Variants in ASXL3 observed in about 807,000 individuals in gnomAD.
The protein encoded by ASXL3 is ASXL transcriptional regulator 3, also known as putative Polycomb group protein ASXL3.
In ASXL3, 34 loss-of-function variants were observed where a neutral mutation model predicts 170.6. That is an observed-to-expected ratio of 0.20 (90% CI 0.15 to 0.27). ASXL3 has a LOEUF of 0.27. Ranked by LOEUF, ASXL3 falls within the 10% of genes least tolerant of loss-of-function variation. The pLI is 1.00. For synonymous variants in ASXL3, 1,002 were observed against 989.1 expected (o/e 1.01, Z -0.24); for missense variants, 2,592 against 2,695.3 (o/e 0.96, Z 0.85).
chr18:33,631,647 C>T (rs995022172), intron 2 of ASXL3, among the ~76,000 whole-genome samples: 7 of 151,980 alleles, frequency 4.6e-5, no homozygotes, highest in African/African-American at 1.2e-4. Context: ...TTTAAATGTT[C>T]GCTGCTGATA....
At position 33,740,250 on chromosome 18, in the gene ASXL3, C is replaced by G. The variant is rs534714036; in HGVS notation, c.2846C>G (p.Pro949Arg). The G allele has an allele frequency of 1.2e-6, 2 of 1,613,646 alleles. No homozygotes were observed. The highest frequency in any genetic ancestry group is 2.2e-5 in the South Asian group (2 of 91,050). Reference protein sequence around the residue: ...TSKSSEPSKSPDGIRNESRDS... With the variant: ...TSKSSEPSKSRDGIRNESRDS... Reference sequence around the variant, plus strand: ...AAGTCATCAGAGCCCTCCAAGTCACCTGATGGGATAAGAAATGAAAGTAGA... The same window carrying G: ...AAGTCATCAGAGCCCTCCAAGTCACGTGATGGGATAAGAAATGAAAGTAGA... Residue 949 changes from proline (P) to arginine (R), a missense_variant, in exon 11 of 12, where the codon CCT becomes CGT. Pro to Arg is a moderately radical substitution (Grantham distance 103). Around this residue, in one of 4 missense-constraint regions of ASXL3, gnomAD observed 2,246 missense variants for 2,219.6 expected, o/e 1.01. Coordinates refer to ENST00000269197, the MANE Select transcript of ASXL3 (RefSeq NM_030632.3).
At chr18:33,671,597 AT>A (rs2066342704) in intron 6 of ASXL3, 149 bp from the exon 7 acceptor site, 1 of 597,606 alleles carries the variant, frequency 1.7e-6, no homozygotes, top group Non-Finnish European at 2.7e-6. Context: ...TTCTCTTTTT[AT>A]ATCCAGTAGG....
chr18:33,731,854 C>T (rs1366589758), intron 8 of ASXL3, 114 bp from the exon 9 acceptor site: 7 of 672,926 alleles, frequency 1.0e-5, no homozygotes, highest in Non-Finnish European at 1.8e-5. Context: ...CTTCCCCCTT[C>T]CTCCTCCTCA....
intron 2 of ASXL3, among the ~76,000 whole-genome samples, chr18:33,615,986 T>C (rs2065416125): frequency 6.6e-6 from 1 of 152,178 alleles, no homozygotes; most frequent in Non-Finnish European, 1.5e-5. Flanking sequence ...AGTTAAATGG[T>C]ATAACATTGA....
intron 2 of ASXL3, among the ~76,000 whole-genome samples, chr18:33,644,609 A>T (rs1302423163): frequency 6.6e-6 from 1 of 151,304 alleles, no homozygotes; most frequent in Non-Finnish European, 1.5e-5. Flanking sequence ...AAAATATAGT[A>T]TTGGTTACTC....
In ASXL3 at chr18:33,665,743, A is replaced by G. The variant is rs1164556180; in HGVS notation, c.477+4006A>G. On this transcript the variant is annotated intron_variant, in intron 5 of 11. Coordinates refer to ENST00000269197, the MANE Select transcript of ASXL3 (RefSeq NM_030632.3). ...ACAGGCTTTCTGTCTGAAAAATCAA[A>G]TGTTTATTTAAAGGTTTTTTTTTTC... is the stretch of plus-strand genomic sequence containing the variant. Among the ~76,000 whole-genome samples the G allele has an allele frequency of 3.3e-5, 5 of 152,176 alleles. No individual in the cohort carries two copies. In the East Asian group the frequency reaches 7.7e-4, roughly 23 times the overall value.
intron 8 of ASXL3, among the ~76,000 whole-genome samples, chr18:33,706,173 C>T (rs549260744): frequency 6.7e-6 from 1 of 149,078 alleles, no homozygotes; most frequent in South Asian, 2.1e-4. Context: ...TACTATTATT[C>T]TAAAATTTCT....
intron 1 of ASXL3, among the ~76,000 whole-genome samples, chr18:33,584,585 A>G (rs978617351): frequency 7.2e-5 from 11 of 152,158 alleles, no homozygotes; most frequent in African/African-American, 2.7e-4. Context: ...AAATGATACA[A>G]TTTAATTCTG....
intron 1 of ASXL3, among the ~76,000 whole-genome samples, chr18:33,590,418 T>C (rs182524855): frequency 4.5e-4 from 69 of 152,194 alleles, no homozygotes; most frequent in African/African-American, 1.6e-3. Flanking sequence ...ACAAGGATCA[T>C]GTAGAGAGGA....
chr18:33,649,896 A>C (rs1052369487), intron 4 of ASXL3, among the ~76,000 whole-genome samples: 1 of 152,030 alleles, frequency 6.6e-6, no homozygotes, highest in Non-Finnish European at 1.5e-5. Flanking sequence ...TTCAGAGCTG[A>C]TAAGAAAGAA....
intron 8 of ASXL3, among the ~76,000 whole-genome samples, chr18:33,699,451 G>A (rs961372779): frequency 6.6e-6 from 1 of 152,086 alleles, no homozygotes; most frequent in Admixed American, 6.6e-5. Context: ...TGAAAGAATA[G>A]GCAAATTTGA....
At chr18:33,687,241 A>G (rs2066611310) in intron 8 of ASXL3, among the ~76,000 whole-genome samples, 1 of 152,172 alleles carries the variant, frequency 6.6e-6, no homozygotes. Flanking sequence ...TTCTAGCAGA[A>G]AGGGACGGGT....
intron 10 of ASXL3, among the ~76,000 whole-genome samples, chr18:33,734,724 A>G: frequency 6.6e-6 from 1 of 152,162 alleles, no homozygotes; most frequent in East Asian, 1.9e-4. Context: ...CCTGTTTTCA[A>G]GTATGTTCAT....
chr18:33,702,673 G>A (rs1395004434), intron 8 of ASXL3, among the ~76,000 whole-genome samples: 1 of 152,038 alleles, frequency 6.6e-6, no homozygotes, highest in African/African-American at 2.4e-5. Context: ...TTTGGGGAAT[G>A]GGATAATTAA....
At chr18:33,580,801 G>C (rs2064985191) in intron 1 of ASXL3, among the ~76,000 whole-genome samples, 1 of 152,128 alleles carries the variant, frequency 6.6e-6, no homozygotes, top group Non-Finnish European at 1.5e-5. Flanking sequence ...ATTTTAACCA[G>C]ACATATTGAA....
chr18:33,615,615 A>G (rs965456271), intron 2 of ASXL3, among the ~76,000 whole-genome samples: 1 of 152,202 alleles, frequency 6.6e-6, no homozygotes, highest in Non-Finnish European at 1.5e-5. Context: ...TCTGCGAAGC[A>G]TAATAAAGTG....
chr18:33,718,030 A>G (rs2067194048), intron 8 of ASXL3, among the ~76,000 whole-genome samples: 1 of 152,092 alleles, frequency 6.6e-6, no homozygotes, highest in Admixed American at 6.6e-5. Context: ...TACTACCTAT[A>G]TGTTCCTTAT....
At chr18:33,676,196 C>G (rs1220954099) in intron 7 of ASXL3, among the ~76,000 whole-genome samples, 1 of 123,612 alleles carries the variant, frequency 8.1e-6, no homozygotes, top group Non-Finnish European at 1.6e-5. Flanking sequence ...TGCACTCCAG[C>G]CTGGGTGACG....
intron 1 of ASXL3, among the ~76,000 whole-genome samples, chr18:33,590,262 C>T (rs2065067350): frequency 6.6e-6 from 1 of 151,918 alleles, no homozygotes; most frequent in Admixed American, 6.6e-5. Flanking sequence ...CAATCTCAGT[C>T]TCTTTTCCCC....
Sources: allele counts gnomAD v4.1 joint callset (sites outside exome capture counted in the v4.1 genomes callset), GRCh38; gene constraint gnomAD v4.1.1; regional missense constraint gnomAD v4.1.1; transcripts MANE v1.5; gene names NCBI Gene and HGNC (gene_info 2026-07-23, HGNC 2026-07-21).